The following RAB5IF variants were observed in gnomAD, a reference collection of about 807,000 sequenced individuals.
The protein encoded by RAB5IF is RAB5 interacting factor, also known as GEL complex subunit OPTI.
RAB5IF carries 15 observed loss-of-function variants against 20.3 expected under a neutral mutation model. The observed-to-expected ratio is 0.74, with a 90% CI of 0.50 to 1.14. The LOEUF (loss-of-function observed/expected upper bound fraction) is 1.14, where lower values mean the gene tolerates loss of function less well. Ranked by LOEUF, RAB5IF falls within the 50% of genes most tolerant of loss-of-function variation. The pLI is 0.00. For missense variants in RAB5IF, 148 were observed against 159.5 expected (o/e 0.93, Z 0.39); for synonymous variants, 67 against 63.7 (o/e 1.05, Z -0.25).
rs1005670164 is a variant in RAB5IF, at chr20:36,605,786, C to G, written c.-166C>G. 2.5e-6 allele frequency: 1 copy of G among 397,386 alleles called. No individual in the cohort carries two copies. Among genetic ancestry groups the G allele is most frequent in the Non-Finnish European group, 4.4e-6 (1 of 225,544 alleles). 24.6% of individuals were successfully genotyped at this position (397,386 alleles called of 1,614,324 possible). ...CTTCGCGGCGCCTGCTCTGTAGAGC[C>G]GGCGGAACCGGGTAGCTTGGCCAGG... On this transcript the variant is annotated 5_prime_UTR_variant, in exon 1 of 4. Transcript: ENST00000344795.
intron 2 of RAB5IF, chr20:36,608,333 C>T (rs2038983210): frequency 5.8e-6 from 1 of 173,328 alleles, no homozygotes; most frequent in African/African-American, 2.4e-5. Flanking sequence ...CAGCCTCGAC[C>T]TCCTGGACTC....
chr20:36,607,902 C>G (rs777721623), intron 2 of RAB5IF, 84 bp downstream of exon 2: 1 of 1,579,904 alleles, frequency 6.3e-7, no homozygotes, highest in Non-Finnish European at 8.6e-7. Flanking sequence ...AAGGCCATTG[C>G]TGCTCTGGAG....
chr20:36,607,632 G>T, intron 1 of RAB5IF, 83 bp from the exon 2 acceptor site: 1 of 1,533,454 alleles, frequency 6.5e-7, no homozygotes, highest in Non-Finnish European at 8.9e-7. Context: ...GATATGTTTA[G>T]CAGAAAGGTT....
intron 3 of RAB5IF, 92 bp from the exon 4 acceptor site, chr20:36,611,918 C>T (rs2039133052): frequency 3.2e-6 from 5 of 1,543,166 alleles, no homozygotes; most frequent in Non-Finnish European, 4.5e-6. Flanking sequence ...GGAGAGTGCC[C>T]CGTGTTTACA....
rs761896907 is a variant in RAB5IF at position 36,607,678 on chromosome 20, C to T, written c.115-37C>T. 5.0e-6 allele frequency: 8 copies of T among 1,611,746 alleles called. No homozygotes were observed. The East Asian group carries it at 8.9e-5, about 18-fold the overall frequency. ...CCCTTTTGCTGTCTTGTGGCACCCACTCCAGATAATTCTTGCATTTTCTGT... is the reference window on the plus strand; with the variant it reads ...CCCTTTTGCTGTCTTGTGGCACCCATTCCAGATAATTCTTGCATTTTCTGT... On this transcript the variant is annotated intron_variant, in intron 1 of 3. Transcript: ENST00000344795.
intron 2 of RAB5IF, chr20:36,608,175 C>A: frequency 2.9e-6 from 1 of 345,084 alleles, no homozygotes; most frequent in Non-Finnish European, 5.7e-6. Flanking sequence ...TATTTGACGA[C>A]CATTTCCCTT....
At chr20:36,607,490 A>T (rs2038961889) in intron 1 of RAB5IF, among the ~76,000 whole-genome samples, 1 of 152,168 alleles carries the variant, frequency 6.6e-6, no homozygotes, top group Non-Finnish European at 1.5e-5. Context: ...TCGGCCTCCC[A>T]AAGTGCTGGG....
chr20:36,611,545 C>T (rs1156585647), intron 3 of RAB5IF, among the ~76,000 whole-genome samples: 1 of 147,424 alleles, frequency 6.8e-6, no homozygotes, highest in African/African-American at 2.5e-5. Context: ...CAGACTCTAA[C>T]CCAAACCAAT....
rs768587757 is a variant in RAB5IF, at chr20:36,605,960, C to T, written c.9C>T (p.Gly3=). 2.0e-6 allele frequency: 3 copies of T among 1,503,700 alleles called. No individual in the cohort carries two copies. The highest frequency in any genetic ancestry group is 2.1e-5 in the Admixed American group (1 of 47,598). 93.1% of individuals were successfully genotyped at this position (1,503,700 alleles called of 1,614,324 possible). A position where few individuals can be genotyped will look rare whatever the true frequency, so the allele number is the denominator to read the frequency against. Residue 3 remains glycine (G), a synonymous_variant, in exon 1 of 4, where the codon GGC becomes GGT. Coordinates refer to ENST00000344795, the MANE Select transcript of RAB5IF (RefSeq NM_018840.5). ...GGCGGCGCGACGGGAGGATGAGCGG[C>T]GGGCGGCGGAAGGAGGAGCCGCCTC... MS[G]GRRKEEPPQP... is the part of the protein sequence containing the mutation.
intron 1 of RAB5IF, 99 bp from the exon 2 acceptor site, chr20:36,607,616 T>G: frequency 7.0e-7 from 1 of 1,430,164 alleles, no homozygotes; most frequent in East Asian, 2.4e-5. Context: ...GGAAACAAAT[T>G]TCCTGGATAT....
chr20:36,606,859 T>G (rs934772741), intron 1 of RAB5IF, among the ~76,000 whole-genome samples: 2 of 152,228 alleles, frequency 1.3e-5, no homozygotes, highest in African/African-American at 4.8e-5. Context: ...AGTCATTTCT[T>G]GGTTTTCTGG....
rs568185570 is a variant in RAB5IF at position 36,609,835 on chromosome 20, A to C, written c.348+105A>C. On this transcript the variant is annotated intron_variant, in intron 3 of 3. Transcript: ENST00000344795. ...AGTTACACTGTGTGAGCAGGGTGCTATTTTTCTAAAGGCTTCTGAGGCTCA... is the reference window on the plus strand; with the variant it reads ...AGTTACACTGTGTGAGCAGGGTGCTCTTTTTCTAAAGGCTTCTGAGGCTCA... The C allele has an allele frequency of 2.4e-5, 38 of 1,606,652 alleles. No individual in the cohort carries two copies. In the East Asian group the frequency reaches 7.4e-4, roughly 31 times the overall value.
At position 36,612,494 on chromosome 20, in the gene RAB5IF, T is replaced by C. The variant is rs2039149701; in HGVS notation, c.*443T>C. 1 of 489,266 alleles carries C rather than the reference T, an allele frequency of 2.0e-6. No homozygotes were observed. The highest frequency in any genetic ancestry group is 1.9e-5 in the African/African-American group (1 of 51,884). 30.3% of individuals were successfully genotyped at this position (489,266 alleles called of 1,614,324 possible). On this transcript the variant is annotated 3_prime_UTR_variant, in exon 4 of 4. Coordinates refer to ENST00000344795, the MANE Select transcript of RAB5IF (RefSeq NM_018840.5). ...TCCATAGCACAGTACATGCAGCATCTAATAAGAGTTTCCATTGTAGAATGT... is the reference window on the plus strand; with the variant it reads ...TCCATAGCACAGTACATGCAGCATCCAATAAGAGTTTCCATTGTAGAATGT...
rs1165387881 is a variant in RAB5IF at position 36,606,072 on chromosome 20, T to G, written c.114+7T>G. The G allele has an allele frequency of 2.1e-6, 3 of 1,461,176 alleles. No homozygotes were observed. Among genetic ancestry groups the G allele is most frequent in the Non-Finnish European group, 2.7e-6 (3 of 1,093,244 alleles). 90.5% of individuals were successfully genotyped at this position (1,461,176 alleles called of 1,614,324 possible). On this transcript the variant is annotated splice_region_variant and intron_variant, in intron 1 of 3. Transcript: ENST00000344795. ...CGCGGCCTGGGAGGATAAGGTACGG[T>G]GGAGTCTGAACAGGGCGCGGGTGCG...
In RAB5IF at chr20:36,605,908, C is replaced by T. The variant is rs1198579386; in HGVS notation, c.-44C>T. The T allele has an allele frequency of 2.3e-5, 30 of 1,277,152 alleles. No homozygotes were observed. The highest frequency in any genetic ancestry group is 2.6e-5 in the Non-Finnish European group (25 of 968,892). 79.1% of individuals were successfully genotyped at this position (1,277,152 alleles called of 1,614,324 possible). The stretch of plus-strand genomic sequence containing the variant: ...CCCTAGACCCCGACTCCCTTTGGCT[C>T]AGCCCGCGCGCCCCAGGCCCGGCCC... On this transcript the variant is annotated 5_prime_UTR_variant, in exon 1 of 4. Coordinates refer to ENST00000344795, the MANE Select transcript of RAB5IF (RefSeq NM_018840.5).
chr20:36,607,498 G>C (rs2038962096), intron 1 of RAB5IF, among the ~76,000 whole-genome samples: 1 of 152,092 alleles, frequency 6.6e-6, no homozygotes, highest in Non-Finnish European at 1.5e-5. Context: ...CCAAAGTGCT[G>C]GGATTACAGG....
Position 36,609,160 on chromosome 20 carries a change from C to CATACAT in RAB5IF, c.219-440_219-439insTACATA, listed in dbSNP as rs1568595285. On this transcript the variant is annotated intron_variant, in intron 2 of 3. Transcript: ENST00000344795. ...AGGGGCTTTGGAGAACTATATTACA[C>CATACAT]ACACACACACACACACACACACACA... is the stretch of plus-strand genomic sequence containing the variant. Among the ~76,000 whole-genome samples the CATACAT allele has an allele frequency of 6.5e-4, 36 of 55,198 alleles. 1 individual carries two copies. The highest frequency in any genetic ancestry group is 7.7e-4 in the Non-Finnish European group (20 of 26,066). 36.2% of individuals were successfully genotyped at this position (55,198 alleles called of 152,430 possible). A position where few individuals can be genotyped will look rare whatever the true frequency, so the allele number is the denominator to read the frequency against.
At chr20:36,606,461 C>A (rs941630947) in intron 1 of RAB5IF, among the ~76,000 whole-genome samples, 1 of 152,208 alleles carries the variant, frequency 6.6e-6, no homozygotes, top group African/African-American at 2.4e-5. Context: ...TAACAGACTT[C>A]TGCTGAGAAT....
chr20:36,609,384 C>T (rs1213324567), intron 2 of RAB5IF, among the ~76,000 whole-genome samples: 2 of 151,746 alleles, frequency 1.3e-5, no homozygotes, highest in African/African-American at 2.4e-5. Flanking sequence ...GGATTACAGG[C>T]GCCCACCACA....
Sources: gnomAD v4.1 joint callset for allele counts (sites outside exome capture counted in the v4.1 genomes callset) on GRCh38, gnomAD v4.1.1 for gene constraint, MANE v1.5 for transcripts, NCBI Gene and HGNC (gene_info 2026-07-23, HGNC 2026-07-21) for gene names.